LRFN2: variants seen among roughly 807,000 people sequenced by gnomAD.
The protein encoded by LRFN2 is leucine-rich repeat and fibronectin type-III domain-containing protein 2.
Under a neutral mutation model 37.3 loss-of-function variants are expected in LRFN2, and 18 were observed. The observed-to-expected ratio is 0.48, with a 90% CI of 0.33 to 0.72. The LOEUF (loss-of-function observed/expected upper bound fraction) is 0.72, where lower values mean the gene tolerates loss of function less well. Ranked by LOEUF, LRFN2 falls within the 30% of genes least tolerant of loss-of-function variation. The pLI, the probability that LRFN2 is intolerant of heterozygous loss-of-function variation, is 0.02. For missense variants in LRFN2, 1,006 were observed against 1,060.7 expected, an observed-to-expected ratio of 0.95 and a Z score of 0.72; for synonymous variants, 556 against 466.6, an observed-to-expected ratio of 1.19 and a Z score of -2.47.
chr6:40,558,895 G>T (rs933709646), intron 1 of LRFN2, among the ~76,000 whole-genome samples: 1 of 152,216 alleles, frequency 6.6e-6, no homozygotes, highest in African/African-American at 2.4e-5. Flanking sequence ...AGCCGGGCTT[G>T]CCCGTGACAC....
At chr6:40,555,667 C>G (rs1374664128) in intron 1 of LRFN2, among the ~76,000 whole-genome samples, 1 of 152,098 alleles carries the variant, frequency 6.6e-6, no homozygotes, top group Non-Finnish European at 1.5e-5. Flanking sequence ...GCTTTGCTCC[C>G]CAACCTGCTT....
intron 1 of LRFN2, among the ~76,000 whole-genome samples, chr6:40,476,434 A>C (rs60515986): frequency 2.6e-5 from 4 of 152,102 alleles, no homozygotes; most frequent in Admixed American, 6.5e-5. Context: ...CAGGGCCCAC[A>C]TTCTCTTGTG....
At chr6:40,494,848 AAC>A (rs1765186629) in intron 1 of LRFN2, among the ~76,000 whole-genome samples, 1 of 152,192 alleles carries the variant, frequency 6.6e-6, no homozygotes. Context: ...CTGTTGATGA[AAC>A]AGTGTTCTTA....
chr6:40,458,768 T>C (rs182076008), intron 1 of LRFN2, among the ~76,000 whole-genome samples: 1 of 152,162 alleles, frequency 6.6e-6, no homozygotes, highest in Non-Finnish European at 1.5e-5. Context: ...CTCTTTCCAA[T>C]TCCCAGGAGC....
chr6:40,533,141 T>G (rs897152547), intron 1 of LRFN2, among the ~76,000 whole-genome samples: 5 of 152,164 alleles, frequency 3.3e-5, no homozygotes, highest in Middle Eastern at 3.4e-3. Context: ...TCTGTCTGTC[T>G]CTATGTCTCT....
chr6:40,556,006 G>A (rs938815288), intron 1 of LRFN2, among the ~76,000 whole-genome samples: 4 of 152,126 alleles, frequency 2.6e-5, no homozygotes, highest in African/African-American at 9.7e-5. Flanking sequence ...CAACAATAAT[G>A]ATACAGGGAG....
At chr6:40,441,838 C>T (rs564242767) in intron 1 of LRFN2, among the ~76,000 whole-genome samples, 3 of 152,254 alleles carry the variant, frequency 2.0e-5, no homozygotes, top group East Asian at 1.9e-4. Context: ...CCCAACACTG[C>T]CCATGTTTCA....
intron 1 of LRFN2, among the ~76,000 whole-genome samples, chr6:40,462,857 C>T (rs956900195): frequency 1.3e-4 from 20 of 152,172 alleles, no homozygotes; most frequent in African/African-American, 4.8e-4. Context: ...GCCCAATGTA[C>T]CCTTGCCTAG....
chr6:40,496,472 C>G (rs910471546), intron 1 of LRFN2, among the ~76,000 whole-genome samples: 1 of 146,516 alleles, frequency 6.8e-6, no homozygotes, highest in African/African-American at 2.7e-5. Flanking sequence ...CCCTTGGGAC[C>G]ACCCTTGGTC....
intron 1 of LRFN2, among the ~76,000 whole-genome samples, chr6:40,536,068 T>C (rs1460348265): frequency 2.0e-5 from 3 of 152,108 alleles, no homozygotes; most frequent in Non-Finnish European, 4.4e-5. Flanking sequence ...GCCAGCTGCA[T>C]GTGACCAGTC....
At chr6:40,486,396 A>T (rs1764959598) in intron 1 of LRFN2, among the ~76,000 whole-genome samples, 1 of 152,174 alleles carries the variant, frequency 6.6e-6, no homozygotes, top group African/African-American at 2.4e-5. Flanking sequence ...TGCATCTGTA[A>T]CAAAAGGCGG....
At chr6:40,410,250 AG>A (rs1762937291) in intron 2 of LRFN2, among the ~76,000 whole-genome samples, 1 of 152,142 alleles carries the variant, frequency 6.6e-6, no homozygotes, top group South Asian at 2.1e-4. Flanking sequence ...TGACTTGTTC[AG>A]CCTTGAGCAA....
At chr6:40,474,544 C>T (rs180855405) in intron 1 of LRFN2, among the ~76,000 whole-genome samples, 3 of 152,222 alleles carry the variant, frequency 2.0e-5, no homozygotes, top group Non-Finnish European at 2.9e-5. Flanking sequence ...GGCTGGAGTG[C>T]GGTGGCACGA....
chr6:40,518,147 A>G (rs558382154), intron 1 of LRFN2, among the ~76,000 whole-genome samples: 2 of 152,190 alleles, frequency 1.3e-5, no homozygotes, highest in African/African-American at 4.8e-5. Context: ...TTCACTGTCA[A>G]ATAATAGGCT....
intron 1 of LRFN2, among the ~76,000 whole-genome samples, chr6:40,575,097 G>A (rs1221750712): frequency 6.6e-6 from 1 of 152,114 alleles, no homozygotes; most frequent in African/African-American, 2.4e-5. Context: ...TCCTCAGGAT[G>A]GTCTACACAA....
intron 1 of LRFN2, among the ~76,000 whole-genome samples, chr6:40,435,295 C>T (rs1413767323): frequency 6.6e-6 from 1 of 150,648 alleles, no homozygotes; most frequent in Non-Finnish European, 1.5e-5. Flanking sequence ...TGAGTAACTA[C>T]AGGCACTTGC....
At position 40,532,601 on chromosome 6, in the gene LRFN2, G is replaced by T. The variant is rs139565409; in HGVS notation, c.-19+54340C>A. 2.4e-3 allele frequency among the ~76,000 whole-genome samples: 368 copies of T among 152,198 alleles called. 4 individuals are homozygous for T. Among genetic ancestry groups the T allele is most frequent in the Admixed American group, 0.023 (350 of 15,294 alleles). ...CACCTCCGCTGCCTCTGCCTGCCCT[G>T]CCTACGGAAATCCTGTACCTCCTCC... On this transcript the variant is annotated intron_variant, in intron 1 of 2. Coordinates refer to ENST00000338305, the MANE Select transcript of LRFN2 (RefSeq NM_020737.3).
At chr6:40,486,351 G>A (rs1764957799) in intron 1 of LRFN2, among the ~76,000 whole-genome samples, 1 of 152,198 alleles carries the variant, frequency 6.6e-6, no homozygotes, top group East Asian at 1.9e-4. Context: ...CTGGGCTAAT[G>A]AGTTTCCATT....
intron 1 of LRFN2, among the ~76,000 whole-genome samples, chr6:40,519,489 T>C (rs1487035493): frequency 6.6e-6 from 1 of 152,212 alleles, no homozygotes; most frequent in Non-Finnish European, 1.5e-5. Flanking sequence ...GTGGAAGTGA[T>C]GTACAGTTCC....
Sources: gnomAD v4.1 joint callset for allele counts (sites outside exome capture counted in the v4.1 genomes callset) on GRCh38, gnomAD v4.1.1 for gene constraint, MANE v1.5 for transcripts, NCBI Gene and HGNC (gene_info 2026-07-23, HGNC 2026-07-21) for gene names.